Variants in APOO observed in about 807,000 individuals in gnomAD.
APOO encodes the protein MICOS complex subunit MIC26.
A neutral mutation model predicts 23.1 loss-of-function variants in APOO; 11 were observed. That is an observed-to-expected ratio of 0.48 (90% CI 0.30 to 0.79). The LOEUF (loss-of-function observed/expected upper bound fraction) is 0.79. Ranked by LOEUF, APOO falls within the 30% of genes least tolerant of loss-of-function variation. The pLI is 0.07. For missense variants in APOO, 160 were observed against 142.7 expected (o/e 1.12, Z -0.62); for synonymous variants, 59 against 54.8 (o/e 1.08, Z -0.34).
chrX:23,858,789 A>G (rs1160825631), intron 5 of APOO, 56 bp from the exon 6 acceptor site: 3 of 1,044,690 alleles, frequency 2.9e-6, no homozygotes, highest in Non-Finnish European at 4.0e-6. Flanking sequence ...TCACCATCAC[A>G]ATTTACCTTA....
chrX:23,876,180 C>T (rs751432496), intron 3 of APOO, among the ~76,000 whole-genome samples: 1 of 110,610 alleles, frequency 9.0e-6, no homozygotes, highest in South Asian at 3.8e-4. Context: ...AGGAGAATGG[C>T]GTGAACCCAG....
chrX:23,859,243 A>G (rs1265530750), intron 5 of APOO, among the ~76,000 whole-genome samples: 1 of 111,815 alleles, frequency 8.9e-6, no homozygotes, highest in Non-Finnish European at 1.9e-5. Context: ...TAAAATTCAT[A>G]TTCACCCATT....
intron 8 of APOO, chrX:23,840,060 T>C: frequency 4.9e-6 from 1 of 203,786 alleles, no homozygotes; most frequent in Non-Finnish European, 8.8e-6. Flanking sequence ...CACTTTTCAA[T>C]TGTTTGAAAT....
chrX:23,851,502 T>C (rs1030819326), intron 7 of APOO, among the ~76,000 whole-genome samples: 1 of 112,539 alleles, frequency 8.9e-6, no homozygotes, highest in African/African-American at 3.2e-5. Flanking sequence ...GGTAATTTCC[T>C]AGTTTTAAAG....
At chrX:23,857,309 C>T (rs1463476590) in intron 6 of APOO, among the ~76,000 whole-genome samples, 2 of 108,732 alleles carry the variant, frequency 1.8e-5, no homozygotes, top group Admixed American at 2.0e-4. Context: ...TGCTTCTCAA[C>T]GAGCAACCAA....
intron 1 of APOO, among the ~76,000 whole-genome samples, chrX:23,889,656 G>GTT (rs138373055): frequency 2.7e-4 from 17 of 61,842 alleles, no homozygotes; most frequent in East Asian, 5.9e-4. Flanking sequence ...CTGGGGAGTT[G>GTT]TTTTTTTTTT....
intron 5 of APOO, among the ~76,000 whole-genome samples, chrX:23,868,055 A>G (rs1925424671): frequency 8.9e-6 from 1 of 112,462 alleles, no homozygotes; most frequent in African/African-American, 3.2e-5. Context: ...AGTTGATAAC[A>G]AATTCATCTC....
chrX:23,841,587 C>T (rs980226715), intron 7 of APOO, among the ~76,000 whole-genome samples: 4 of 108,514 alleles, frequency 3.7e-5, no homozygotes, highest in African/African-American at 3.4e-5. Flanking sequence ...CAAGGCCATA[C>T]GAACTGCTTG....
At chrX:23,906,812 T>C (rs756673477) in intron 1 of APOO, among the ~76,000 whole-genome samples, 1 of 112,334 alleles carries the variant, frequency 8.9e-6, no homozygotes, top group South Asian at 3.7e-4. Context: ...GTCACACAGC[T>C]AGAAAGTGGC....
At chrX:23,892,261 T>C (rs918249721) in intron 1 of APOO, among the ~76,000 whole-genome samples, 2 of 107,973 alleles carry the variant, frequency 1.9e-5, no homozygotes, top group East Asian at 5.9e-4. Context: ...AATTATTTTT[T>C]TTTTTTTTGA....
intron 7 of APOO, among the ~76,000 whole-genome samples, chrX:23,842,485 A>G (rs182325304): frequency 8.9e-6 from 1 of 111,919 alleles, no homozygotes; most frequent in East Asian, 2.8e-4. Flanking sequence ...ATGAACACGA[A>G]TAACAATTTC....
intron 1 of APOO, among the ~76,000 whole-genome samples, chrX:23,888,044 TGA>T (rs1320946364): frequency 8.9e-6 from 1 of 112,345 alleles, no homozygotes. Flanking sequence ...GGAGTGTCAT[TGA>T]GTTTTCTCAC....
chrX:23,898,540 G>GA lies in APOO; in HGVS notation c.9+9153dup, dbSNP rs60098541. Among the ~76,000 whole-genome samples, 30 of 107,005 alleles carry GA rather than the reference G, an allele frequency of 2.8e-4. No homozygotes were observed. The East Asian group carries it at 4.3e-3, about 15-fold the overall frequency. 92.9% of individuals were successfully genotyped at this position (107,005 alleles called of 115,157 possible). ...TAAGGAAAACTGTAAGCCTTTTTTG[G>GA]AAAAAAAAAATCATGTACAAGACTC... is the stretch of plus-strand genomic sequence containing the variant. On this transcript the variant is annotated intron_variant, in intron 1 of 8. Coordinates refer to ENST00000379226, the MANE Select transcript of APOO (RefSeq NM_024122.5).
At chrX:23,904,194 A>G (rs1001794607) in intron 1 of APOO, among the ~76,000 whole-genome samples, 9 of 111,213 alleles carry the variant, frequency 8.1e-5, no homozygotes, top group African/African-American at 2.9e-4. Flanking sequence ...TTCCTTCCTA[A>G]AAGAACTCCA....
chrX:23,850,433 T>C (rs933255408), intron 7 of APOO, among the ~76,000 whole-genome samples: 8 of 112,210 alleles, frequency 7.1e-5, no homozygotes, highest in Non-Finnish European at 1.5e-4. Context: ...TCAGGAACCC[T>C]GGTCTAGAAA....
chrX:23,891,545 TCCCACTCA>T (rs977891877), intron 1 of APOO, among the ~76,000 whole-genome samples: 9 of 111,387 alleles, frequency 8.1e-5, no homozygotes, highest in Non-Finnish European at 1.7e-4. Flanking sequence ...AGTCTTTAAC[TCCCACTCA>T]TATGCTACTG....
intron 8 of APOO, chrX:23,836,593 G>A (rs1923682855): frequency 1.6e-6 from 1 of 620,145 alleles, no homozygotes; most frequent in Non-Finnish European, 2.4e-6. Context: ...GACCACAGGC[G>A]TGAGCCACCA....
intron 3 of APOO, among the ~76,000 whole-genome samples, chrX:23,876,885 AG>A (rs1925882547): frequency 8.9e-6 from 1 of 112,726 alleles, no homozygotes; most frequent in East Asian, 2.7e-4. Flanking sequence ...AAAAGGAACC[AG>A]GAATTAGAAA....
Position 23,907,760 on chromosome X carries a change from G to A in APOO, c.-58C>T. ...CCCGGCCTCGGCCACGCCCACTATAGAGAGGTGACTACGGAGGCCCGGTAG... is the reference window on the plus strand; with the variant it reads ...CCCGGCCTCGGCCACGCCCACTATAAAGAGGTGACTACGGAGGCCCGGTAG... On this transcript the variant is annotated 5_prime_UTR_variant, in exon 1 of 9. Coordinates refer to ENST00000379226, the MANE Select transcript of APOO (RefSeq NM_024122.5). The A allele has an allele frequency of 1.8e-6, 2 of 1,130,992 alleles. No individual in the cohort carries two copies. Among genetic ancestry groups the A allele is most frequent in the Non-Finnish European group, 2.3e-6 (2 of 853,200 alleles). 93.2% of individuals were successfully genotyped at this position (1,130,992 alleles called of 1,213,427 possible).
Sources: gnomAD v4.1 joint callset for allele counts (sites outside exome capture counted in the v4.1 genomes callset) on GRCh38, gnomAD v4.1.1 for gene constraint, MANE v1.5 for transcripts, NCBI Gene and HGNC (gene_info 2026-07-23, HGNC 2026-07-21) for gene names.